The following DPP6 variants were observed in gnomAD, a reference collection of about 807,000 sequenced individuals.
DPP6 encodes dipeptidyl peptidase like 6.
In DPP6, 69 loss-of-function variants were observed where a neutral mutation model predicts 122.6. That is an observed-to-expected ratio of 0.56 (90% CI 0.46 to 0.69). The LOEUF (loss-of-function observed/expected upper bound fraction) is 0.69, where lower values mean the gene tolerates loss of function less well. DPP6 is among the 30% of genes least tolerant of loss of function. DPP6 has a pLI of 0.00. For missense variants in DPP6, 928 were observed against 1,116.9 expected, an observed-to-expected ratio of 0.83 and a Z score of 2.41; for synonymous variants, 418 against 433.1, an observed-to-expected ratio of 0.97 and a Z score of 0.43.
At chr7:154,335,705 G>C (rs1809351742) in intron 1 of DPP6, among the ~76,000 whole-genome samples, 1 of 152,158 alleles carries the variant, frequency 6.6e-6, no homozygotes, top group Non-Finnish European at 1.5e-5. Context: ...TGCAATGCAG[G>C]CTCAGGAAAG....
chr7:154,228,104 A>G lies in DPP6; in HGVS notation c.243+175041A>G, dbSNP rs555844142. Among the ~76,000 whole-genome samples, 9 of 152,344 alleles carry G rather than the reference A, an allele frequency of 5.9e-5. No homozygotes were observed. The South Asian group carries it at 1.9e-3, about 32-fold the overall frequency. On this transcript the variant is annotated intron_variant, in intron 1 of 25. Coordinates refer to ENST00000377770, the MANE Select transcript of DPP6 (RefSeq NM_130797.4). ...CAAGCTTAATAGAATTAATAATCAA[A>G]TGGGATCCTGAGATCAATAATTCTC...
At chr7:154,208,866 A>G (rs1799590565) in intron 1 of DPP6, among the ~76,000 whole-genome samples, 2 of 152,174 alleles carry the variant, frequency 1.3e-5, no homozygotes, top group Non-Finnish European at 2.9e-5. Context: ...CAGAATTTAG[A>G]ACATATTAAA....
intron 6 of DPP6, among the ~76,000 whole-genome samples, chr7:154,643,581 GC>G (rs1836252227): frequency 6.7e-6 from 1 of 149,900 alleles, no homozygotes; most frequent in Non-Finnish European, 1.5e-5. Flanking sequence ...CAATTCTCCT[GC>G]CTCAGCCTCC....
chr7:153,888,677 G>A (rs993344090), intron 1 of DPP6, among the ~76,000 whole-genome samples: 3 of 149,572 alleles, frequency 2.0e-5, no homozygotes, highest in African/African-American at 4.9e-5. Context: ...TCCTCTGACG[G>A]TCCCTTATTT....
At chr7:153,855,636 G>A in the DPP6 span, among the ~76,000 whole-genome samples, 1 of 152,046 alleles carries the variant, frequency 6.6e-6, no homozygotes, top group South Asian at 2.1e-4. Context: ...TATTGATCTG[G>A]AACCAATAGG....
Position 153,965,316 on chromosome 7 carries a change from A to G in DPP6, c.51+77582A>G, listed in dbSNP as rs370290374. Reference sequence around the variant, plus strand: ...CTGCATCTGCCTGTCAGCTGCATCTACTACTTGAATGTTTGGTTATTTCTC... The same window carrying G: ...CTGCATCTGCCTGTCAGCTGCATCTGCTACTTGAATGTTTGGTTATTTCTC... On this transcript the variant is annotated intron_variant, in intron 1 of 25. Transcript: ENST00000404039. Among the ~76,000 whole-genome samples the G allele has an allele frequency of 5.0e-3, 757 of 151,816 alleles. 6 individuals are homozygous for G. Among genetic ancestry groups the G allele is most frequent in the African/African-American group, 4.2e-3 (174 of 41,292 alleles).
At chr7:154,212,603 G>A (rs1799800016) in intron 1 of DPP6, among the ~76,000 whole-genome samples, 2 of 152,118 alleles carry the variant, frequency 1.3e-5, no homozygotes, top group Admixed American at 6.5e-5. Context: ...GAGGATGATC[G>A]AGGTCTCGGA....
At chr7:154,392,911 G>A (rs1814746039) in intron 1 of DPP6, among the ~76,000 whole-genome samples, 2 of 152,156 alleles carry the variant, frequency 1.3e-5, no homozygotes, top group Middle Eastern at 3.2e-3. Context: ...CTGCCTACTC[G>A]GGAGACATCA....
intron 16 of DPP6, among the ~76,000 whole-genome samples, chr7:154,846,256 T>A (rs1193126048): frequency 1.3e-5 from 2 of 151,624 alleles, no homozygotes; most frequent in Non-Finnish European, 2.9e-5. Context: ...AATTTACCAG[T>A]TTTACCATTG....
intron 1 of DPP6, among the ~76,000 whole-genome samples, chr7:154,034,879 ATTTG>A (rs1191188409): frequency 7.3e-5 from 11 of 150,680 alleles, no homozygotes; most frequent in Admixed American, 6.6e-4. Flanking sequence ...CAGTCCATTA[ATTTG>A]TTTGGCCAGT....
chr7:154,579,576 T>A (rs1323235512), intron 5 of DPP6, among the ~76,000 whole-genome samples: 1 of 152,188 alleles, frequency 6.6e-6, no homozygotes, highest in Non-Finnish European at 1.5e-5. Flanking sequence ...TTGTTTTTCT[T>A]AGAGCCAGGT....
chr7:154,239,670 T>C (rs1452638069), intron 1 of DPP6, among the ~76,000 whole-genome samples: 1 of 151,918 alleles, frequency 6.6e-6, no homozygotes, highest in African/African-American at 2.4e-5. Flanking sequence ...TTGTGGTGAA[T>C]CAAAAGTTAC....
chr7:154,229,959 C>T (rs1800825418), intron 1 of DPP6, among the ~76,000 whole-genome samples: 1 of 152,066 alleles, frequency 6.6e-6, no homozygotes, highest in African/African-American at 2.4e-5. Context: ...TATAATATTT[C>T]AATAGTGGTT....
chr7:154,299,404 A>G (rs1299774464), intron 1 of DPP6, among the ~76,000 whole-genome samples: 1 of 152,250 alleles, frequency 6.6e-6, no homozygotes, highest in Non-Finnish European at 1.5e-5. Flanking sequence ...GGTGACAGTG[A>G]GCACGCAGTG....
chr7:154,193,949 G>T (rs961615465), intron 1 of DPP6, among the ~76,000 whole-genome samples: 1 of 152,020 alleles, frequency 6.6e-6, no homozygotes, highest in Non-Finnish European at 1.5e-5. Context: ...AGTGCAATTG[G>T]TGTAATATAG....
At chr7:153,932,570 T>G (rs1801223180) in intron 1 of DPP6, among the ~76,000 whole-genome samples, 1 of 152,206 alleles carries the variant, frequency 6.6e-6, no homozygotes, top group South Asian at 2.1e-4. Context: ...TTCTCTCATG[T>G]GTGGCAAGAA....
chr7:154,622,342 G>A (rs1438391249), intron 5 of DPP6, among the ~76,000 whole-genome samples: 1 of 152,142 alleles, frequency 6.6e-6, no homozygotes, highest in African/African-American at 2.4e-5. Flanking sequence ...GGAAATAGAT[G>A]GGAATTATGC....
At chr7:154,592,016 G>A (rs914794500) in intron 5 of DPP6, among the ~76,000 whole-genome samples, 6 of 152,334 alleles carry the variant, frequency 3.9e-5, no homozygotes, top group East Asian at 1.9e-4. Flanking sequence ...TGCCACCTGC[G>A]TAGGAAGACG....
chr7:154,304,604 A>T (rs1166647294), intron 1 of DPP6, among the ~76,000 whole-genome samples: 1 of 151,506 alleles, frequency 6.6e-6, no homozygotes, highest in Non-Finnish European at 1.5e-5. Flanking sequence ...TCTTTCTTTT[A>T]ATGGACAAAC....
Sources: allele counts gnomAD v4.1 joint callset (sites outside exome capture counted in the v4.1 genomes callset), GRCh38; gene constraint gnomAD v4.1.1; transcripts MANE v1.5; gene names NCBI Gene and HGNC (gene_info 2026-07-23, HGNC 2026-07-21).